The following GPHN variants were observed in gnomAD, a reference collection of about 807,000 sequenced individuals.
GPHN encodes gephyrin.
GPHN carries 17 observed loss-of-function variants against 95.5 expected under a neutral mutation model. The observed-to-expected ratio is 0.18, with a 90% confidence interval of 0.12 to 0.27. GPHN has a LOEUF of 0.27. Among genes scored for constraint, GPHN ranks in the 10% least tolerant of loss-of-function variants. The pLI is 1.00. For missense variants in GPHN, 660 were observed against 978.1 expected (o/e 0.67, Z 4.34); for synonymous variants, 320 against 322.5 (o/e 0.99, Z 0.08).
the GPHN span, chr14:67,321,353 G>A: frequency 9.5e-6 from 11 of 1,153,806 alleles, no homozygotes; most frequent in African/African-American, 6.1e-5. Flanking sequence ...AGAACAGCGC[G>A]ACCTAATTAA....
chr14:66,713,224 TGTAGA>T (rs1566856209), intron 2 of GPHN, among the ~76,000 whole-genome samples: 2 of 152,172 alleles, frequency 1.3e-5, no homozygotes, highest in Non-Finnish European at 2.9e-5. Flanking sequence ...TAAGCCAACG[TGTAGA>T]AGGGTTTTTC....
rs1362498481 is a variant in GPHN, at chr14:67,143,498, A to T, written c.1836+49A>T. Reference sequence around the variant, plus strand: ...AATGTATCTGCTGTAATGTTCTTGCATATGGTCGATTAACTGTGGTCTGGT... The same window carrying T: ...AATGTATCTGCTGTAATGTTCTTGCTTATGGTCGATTAACTGTGGTCTGGT... On this transcript the variant is annotated intron_variant, in intron 18 of 22. Coordinates refer to ENST00000478722, the MANE Select transcript of GPHN (RefSeq NM_020806.5). 5.3e-6 allele frequency: 6 copies of T among 1,126,790 alleles called. No individual in the cohort carries two copies. The African/African-American group carries it at 7.6e-5, about 14-fold the overall frequency. The allele number at this position is 1,126,790 out of a possible 1,614,324, so 69.8% of individuals were successfully genotyped here.
intron 3 of GPHN, among the ~76,000 whole-genome samples, chr14:66,812,295 G>A (rs1001199264): frequency 2.0e-5 from 3 of 152,226 alleles, no homozygotes; most frequent in South Asian, 2.1e-4. Flanking sequence ...TAGGTCTGCC[G>A]AAGTCACTGC....
chr14:67,437,976 C>A, the GPHN span, among the ~76,000 whole-genome samples: 1 of 152,040 alleles, frequency 6.6e-6, no homozygotes, highest in Non-Finnish European at 1.5e-5. Context: ...TGGTTGAGCC[C>A]ACTGAGTCAA....
chr14:66,652,514 G>GT (rs1269213056), intron 1 of GPHN, among the ~76,000 whole-genome samples: 3 of 134,148 alleles, frequency 2.2e-5, no homozygotes, highest in African/African-American at 1.0e-4. Flanking sequence ...TGCTTCTTTT[G>GT]TTTTTTGTGG....
chr14:67,431,191 G>A, the GPHN span, among the ~76,000 whole-genome samples: 1 of 151,892 alleles, frequency 6.6e-6, no homozygotes, highest in Admixed American at 6.6e-5. Flanking sequence ...TCAGGAGTTC[G>A]AGACCAGCCT....
chr14:67,491,871 G>A, the GPHN span, among the ~76,000 whole-genome samples: 3 of 152,224 alleles, frequency 2.0e-5, no homozygotes, highest in African/African-American at 7.2e-5. Flanking sequence ...GCTCCCCCAG[G>A]AAGCAAGGAG....
intron 8 of GPHN, 135 bp from the exon 9 acceptor site, chr14:66,965,056 C>T (rs570439068): frequency 9.3e-6 from 7 of 754,060 alleles, no homozygotes; most frequent in South Asian, 8.5e-5. Flanking sequence ...TTGTTGGATG[C>T]ATTTATACCT....
chr14:67,423,437 A>G, the GPHN span, among the ~76,000 whole-genome samples: 3 of 151,986 alleles, frequency 2.0e-5, no homozygotes, highest in African/African-American at 7.3e-5. Context: ...CAGTCTAGGC[A>G]CCCACAGTGT....
At chr14:67,186,103 C>T (rs1383322283), downstream of GPHN, among the ~76,000 whole-genome samples, 1 of 152,122 alleles carries the variant, frequency 6.6e-6, no homozygotes, top group Non-Finnish European at 1.5e-5. Flanking sequence ...AGTATTTCTC[C>T]TGCAGTCTTT....
chr14:67,204,456 AATATATAT>A, the GPHN span: 1 of 1,361,282 alleles, frequency 7.3e-7, no homozygotes, highest in South Asian at 1.9e-5. Context: ...CAAACAAACA[AATATATAT>A]ATATATAAGA....
chr14:67,300,863 A>C, the GPHN span, among the ~76,000 whole-genome samples: 1 of 151,708 alleles, frequency 6.6e-6, no homozygotes, highest in East Asian at 2.0e-4. Flanking sequence ...TATATAAAAA[A>C]ATTTATAAAA....
the GPHN span, chr14:67,205,190 T>G: frequency 6.6e-6 from 8 of 1,207,066 alleles, no homozygotes; most frequent in Admixed American, 8.4e-5. Context: ...CAAAATGCTA[T>G]GGAACCTACC....
chr14:67,541,233 GAAAT>G, the GPHN span, among the ~76,000 whole-genome samples: 1 of 152,118 alleles, frequency 6.6e-6, no homozygotes, highest in Non-Finnish European at 1.5e-5. Flanking sequence ...AATAGAATAA[GAAAT>G]AAACTGGGAA....
chr14:67,640,789 T>C, the GPHN span, among the ~76,000 whole-genome samples: 1 of 152,296 alleles, frequency 6.6e-6, no homozygotes, highest in South Asian at 2.1e-4. Context: ...TGGGGAAATA[T>C]TCAAAGCTGT....
chr14:66,922,529 A>G lies in GPHN; in HGVS notation c.457-137A>G, dbSNP rs990369556. The G allele has an allele frequency of 2.7e-5, 18 of 665,494 alleles. No individual in the cohort carries two copies. In the East Asian group the frequency reaches 3.6e-4, roughly 13 times the overall value. The allele number at this position is 665,494 out of a possible 1,614,324, so 41.2% of individuals were successfully genotyped here. A position where few individuals can be genotyped will look rare whatever the true frequency, so the allele number is the denominator to read the frequency against. On this transcript the variant is annotated intron_variant, in intron 6 of 22. Coordinates refer to ENST00000478722, the MANE Select transcript of GPHN (RefSeq NM_020806.5). ...TACTTCATGGCATATTGCTAAGACAATGTTTTACATATGATTGATTCTGAG... is the reference window on the plus strand; with the variant it reads ...TACTTCATGGCATATTGCTAAGACAGTGTTTTACATATGATTGATTCTGAG...
the GPHN span, chr14:67,292,777 C>A: frequency 7.4e-7 from 1 of 1,356,482 alleles, no homozygotes; most frequent in Non-Finnish European, 1.0e-6. Flanking sequence ...GGCAGGAAGG[C>A]AGGATTATTG....
intron 8 of GPHN, among the ~76,000 whole-genome samples, chr14:66,935,932 G>A (rs755198108): frequency 6.6e-5 from 10 of 152,052 alleles, no homozygotes; most frequent in South Asian, 4.1e-4. Context: ...TAAGAACATG[G>A]AACTACTTAG....
chr14:66,544,274 T>G (rs987698196), intron 1 of GPHN, among the ~76,000 whole-genome samples: 4 of 152,216 alleles, frequency 2.6e-5, no homozygotes, highest in African/African-American at 4.8e-5. Flanking sequence ...CGACTGTAAT[T>G]AAAATTACAG....
Sources: allele counts gnomAD v4.1 joint callset (sites outside exome capture counted in the v4.1 genomes callset), GRCh38; gene constraint gnomAD v4.1.1; transcripts MANE v1.5; gene names NCBI Gene and HGNC (gene_info 2026-07-23, HGNC 2026-07-21).